Variants in MARCHF4 observed in about 807,000 individuals in gnomAD.
MARCHF4 encodes E3 ubiquitin-protein ligase MARCHF4.
A neutral mutation model predicts 43.9 loss-of-function variants in MARCHF4; 14 were observed. The ratio of observed to expected loss-of-function variants is 0.32; its 90% CI spans 0.21 to 0.50. MARCHF4 has a LOEUF of 0.50. MARCHF4 is among the 20% of genes least tolerant of loss of function. The probability of loss-of-function intolerance (pLI) is 0.98; values close to 1 mark genes in which losing one functional copy is unlikely to be tolerated. For missense variants in MARCHF4, 468 were observed against 536.7 expected, an observed-to-expected ratio of 0.87 and a Z score of 1.27; for synonymous variants, 226 against 213.3, an observed-to-expected ratio of 1.06 and a Z score of -0.52.
intron 1 of MARCHF4, among the ~76,000 whole-genome samples, chr2:216,354,496 TTA>T (rs2105980831): frequency 6.6e-6 from 1 of 152,194 alleles, no homozygotes; most frequent in African/African-American, 2.4e-5. Context: ...ACGGCACTCA[TTA>T]TGTTTTGTGG....
At chr2:216,354,536 C>G (rs1280365120) in intron 1 of MARCHF4, among the ~76,000 whole-genome samples, 14 of 152,206 alleles carry the variant, frequency 9.2e-5, no homozygotes, top group Admixed American at 7.2e-4. Context: ...GTTTCTTGCA[C>G]TAGACTCCAA....
chr2:216,259,315 C>T lies in MARCHF4; in HGVS notation c.1230G>A (p.Val410=), dbSNP rs1324416773. 2.0e-6 allele frequency: 3 copies of T among 1,534,248 alleles called. No individual in the cohort carries two copies. Among genetic ancestry groups the T allele is most frequent in the African/African-American group, 1.4e-5 (1 of 72,754 alleles). Residue 410 remains valine, a synonymous_variant, in exon 4 of 4, where the codon GTG becomes GTA. Coordinates refer to ENST00000273067, the MANE Select transcript of MARCHF4 (RefSeq NM_020814.3). ...SRELVMRVTT[V] ...CCTTCCTTCCGGGCCTCTGCTCTCA[C>T]ACTGTCGTGACTCTCATGACCAGCT...
chr2:216,263,493 A>AAGAG lies in MARCHF4; in HGVS notation c.866-3818_866-3815dup, dbSNP rs150783185. Among the ~76,000 whole-genome samples the AAGAG allele has an allele frequency of 4.5e-3, 266 of 58,902 alleles. 2 individuals carry two copies. Among genetic ancestry groups the AAGAG allele is most frequent in the African/African-American group, 0.01 (257 of 25,600 alleles). The allele number at this position is 58,902 out of a possible 152,430, so 38.6% of individuals were successfully genotyped here. On this transcript the variant is annotated intron_variant, in intron 3 of 3. Coordinates refer to ENST00000273067, the MANE Select transcript of MARCHF4 (RefSeq NM_020814.3). ...AGAAAGAGAGAAAGAAGGAGAGAGA[A>AAGAG]AGAGAGAGAGAGAGAGAGAGAGAGA...
intron 1 of MARCHF4, among the ~76,000 whole-genome samples, chr2:216,322,881 C>T (rs1691924095): frequency 6.6e-6 from 1 of 152,248 alleles, no homozygotes; most frequent in Middle Eastern, 3.4e-3. Flanking sequence ...GGTCAGAGTG[C>T]ATTTTGTTGA....
chr2:216,299,339 G>A (rs1011038455), intron 1 of MARCHF4, among the ~76,000 whole-genome samples: 24 of 152,286 alleles, frequency 1.6e-4, no homozygotes, highest in Middle Eastern at 3.4e-3. Flanking sequence ...CAGGAATGAC[G>A]TGGAGTATTC....
intron 1 of MARCHF4, among the ~76,000 whole-genome samples, chr2:216,349,642 G>A (rs920468890): frequency 1.3e-5 from 2 of 152,120 alleles, no homozygotes; most frequent in Admixed American, 1.3e-4. Flanking sequence ...GAATGGTGAT[G>A]GAAAAGAGGC....
intron 2 of MARCHF4, among the ~76,000 whole-genome samples, chr2:216,279,235 T>C (rs1691084428): frequency 6.6e-6 from 1 of 151,958 alleles, no homozygotes; most frequent in Non-Finnish European, 1.5e-5. Context: ...GGGAAGAGCA[T>C]GTAGAAAGGC....
At chr2:216,264,238 A>G (rs1367450891) in intron 3 of MARCHF4, among the ~76,000 whole-genome samples, 1 of 152,114 alleles carries the variant, frequency 6.6e-6, no homozygotes, top group Admixed American at 6.5e-5. Flanking sequence ...TTTGGATCAC[A>G]CCCCTTTGAG....
At chr2:216,363,549 G>A (rs979504491) in intron 1 of MARCHF4, among the ~76,000 whole-genome samples, 1 of 152,204 alleles carries the variant, frequency 6.6e-6, no homozygotes, top group African/African-American at 2.4e-5. Flanking sequence ...AGCCTTGAGT[G>A]AAGAAAAGGT....
intron 1 of MARCHF4, among the ~76,000 whole-genome samples, chr2:216,310,970 A>T (rs929460072): frequency 6.6e-6 from 1 of 152,218 alleles, no homozygotes; most frequent in Admixed American, 6.5e-5. Context: ...TAAATTAAAT[A>T]GTAATATATT....
chr2:216,285,183 G>T (rs1691199108), intron 1 of MARCHF4, among the ~76,000 whole-genome samples: 1 of 152,220 alleles, frequency 6.6e-6, no homozygotes, highest in Non-Finnish European at 1.5e-5. Context: ...TGCCTGCACT[G>T]CCTTGAGGAA....
intron 1 of MARCHF4, among the ~76,000 whole-genome samples, chr2:216,368,189 A>C (rs1272786744): frequency 1.3e-5 from 2 of 152,196 alleles, no homozygotes; most frequent in Admixed American, 6.5e-5. Flanking sequence ...AAGCCAAATA[A>C]TTCTTTCTTT....
chr2:216,355,557 A>G (rs907616674), intron 1 of MARCHF4, among the ~76,000 whole-genome samples: 2 of 152,234 alleles, frequency 1.3e-5, no homozygotes, highest in Admixed American at 6.5e-5. Context: ...ACTTCCCAAT[A>G]AGTGGATTTT....
intron 3 of MARCHF4, among the ~76,000 whole-genome samples, chr2:216,276,753 T>C (rs1384058701): frequency 6.6e-6 from 1 of 152,190 alleles, no homozygotes; most frequent in Non-Finnish European, 1.5e-5. Context: ...ACTTAGGGGA[T>C]AACCTGAGAG....
intron 1 of MARCHF4, among the ~76,000 whole-genome samples, chr2:216,326,309 C>A (rs1691990637): frequency 6.6e-6 from 1 of 150,768 alleles, no homozygotes; most frequent in South Asian, 2.1e-4. Flanking sequence ...AGTCAGGAAA[C>A]AACAAGTGCT....
At chr2:216,325,343 A>T (rs1189569518) in intron 1 of MARCHF4, among the ~76,000 whole-genome samples, 3 of 152,244 alleles carry the variant, frequency 2.0e-5, no homozygotes, top group Non-Finnish European at 4.4e-5. Context: ...AGAATATTCC[A>T]TGCTCATGGG....
chr2:216,354,441 C>A (rs950996089), intron 1 of MARCHF4, among the ~76,000 whole-genome samples: 3 of 152,202 alleles, frequency 2.0e-5, no homozygotes, highest in Non-Finnish European at 4.4e-5. Context: ...TCACTAGTCA[C>A]CCCTCCTGTG....
chr2:216,339,187 C>G (rs762361394), intron 1 of MARCHF4, among the ~76,000 whole-genome samples: 3 of 152,208 alleles, frequency 2.0e-5, no homozygotes, highest in African/African-American at 7.2e-5. Flanking sequence ...CCAATCCCCC[C>G]TTTCCTGGCA....
chr2:216,262,288 T>C lies in MARCHF4; in HGVS notation c.866-2609A>G, dbSNP rs78420184. On this transcript the variant is annotated intron_variant, in intron 3 of 3. Transcript: ENST00000273067. ...ATAAATCTGAAGTGAATCTAGTTAC[T>C]GGTTGTGTGATTTTTCTCCACCCCT... is the stretch of plus-strand genomic sequence containing the variant. 7.2e-3 allele frequency among the ~76,000 whole-genome samples: 1,094 copies of C among 152,308 alleles called. 12 individuals are homozygous for C. Among genetic ancestry groups the C allele is most frequent in the African/African-American group, 0.025 (1,029 of 41,570 alleles).
Sources: allele counts gnomAD v4.1 joint callset (sites outside exome capture counted in the v4.1 genomes callset), GRCh38; gene constraint gnomAD v4.1.1; transcripts MANE v1.5; gene names NCBI Gene and HGNC (gene_info 2026-07-23, HGNC 2026-07-21).